GLRA3: variants seen among roughly 807,000 people sequenced by gnomAD.
GLRA3 encodes glycine receptor subunit alpha-3.
Under a neutral mutation model 60.4 loss-of-function variants are expected in GLRA3, and 44 were observed. The ratio of observed to expected loss-of-function variants is 0.73; its 90% confidence interval spans 0.57 to 0.94. The LOEUF (loss-of-function observed/expected upper bound fraction) is 0.94. Ranked by LOEUF, GLRA3 falls within the 40% of genes least tolerant of loss-of-function variation. GLRA3 has a pLI of 0.00. For synonymous variants in GLRA3, 223 were observed against 192.9 expected, an observed-to-expected ratio of 1.16 and a Z score of -1.29; for missense variants, 508 against 564.6, an observed-to-expected ratio of 0.90 and a Z score of 1.02.
chr4:174,767,330 C>T (rs1483244122), intron 2 of GLRA3, among the ~76,000 whole-genome samples: 1 of 152,036 alleles, frequency 6.6e-6, no homozygotes, highest in East Asian at 1.9e-4. Context: ...TTTCTAAGCT[C>T]ATTCAGGGAT....
chr4:174,759,337 G>T (rs957512453), intron 3 of GLRA3, among the ~76,000 whole-genome samples: 8 of 151,688 alleles, frequency 5.3e-5, no homozygotes, highest in Non-Finnish European at 7.4e-5. Context: ...TAACTAAAAG[G>T]TTATAATTTT....
intron 2 of GLRA3, among the ~76,000 whole-genome samples, chr4:174,772,588 T>G (rs957756953): frequency 2.0e-5 from 3 of 152,300 alleles, no homozygotes; most frequent in Admixed American, 6.5e-5. Flanking sequence ...TAGACACATA[T>G]GCATAAATAA....
chr4:174,812,725 G>A (rs536305842), intron 1 of GLRA3, among the ~76,000 whole-genome samples: 2 of 152,180 alleles, frequency 1.3e-5, no homozygotes, highest in African/African-American at 4.8e-5. Flanking sequence ...TTAGCAAGAT[G>A]CCATCACTGA....
chr4:174,780,143 A>G (rs1738805159), intron 2 of GLRA3, among the ~76,000 whole-genome samples: 1 of 149,050 alleles, frequency 6.7e-6, no homozygotes, highest in Non-Finnish European at 1.5e-5. Flanking sequence ...GCCAGAAGAG[A>G]GTGGGGGCCA....
chr4:174,642,028 TCTTTTGG>T lies in GLRA3; in HGVS notation c.*1751_*1757del, dbSNP rs1232192360. 3 of 441,570 alleles carry T rather than the reference TCTTTTGG, an allele frequency of 6.8e-6. No individual in the cohort carries two copies. Among genetic ancestry groups the T allele is most frequent in the Non-Finnish European group, 6.0e-6 (2 of 332,990 alleles). 27.4% of individuals were successfully genotyped at this position (441,570 alleles called of 1,614,324 possible). On this transcript the variant is annotated 3_prime_UTR_variant, in exon 10 of 10. Coordinates refer to ENST00000274093, the MANE Select transcript of GLRA3 (RefSeq NM_006529.4). ...CGTGGGTACTTACAGAGTAACAAAT[TCTTTTGG>T]TTGTGTCATTTGCACATAATGCCAA...
chr4:174,716,645 G>A (rs1266539261), intron 4 of GLRA3, among the ~76,000 whole-genome samples: 1 of 152,134 alleles, frequency 6.6e-6, no homozygotes, highest in African/African-American at 2.4e-5. Context: ...ACCCTAGGCA[G>A]ATTACTTCAA....
intron 9 of GLRA3, among the ~76,000 whole-genome samples, chr4:174,649,301 A>G (rs76457380): frequency 1.8e-3 from 278 of 152,320 alleles, no homozygotes; most frequent in South Asian, 3.7e-3. Flanking sequence ...AGGATCAGCT[A>G]TAGTAGCAGG....
intron 3 of GLRA3, among the ~76,000 whole-genome samples, chr4:174,730,204 G>T (rs1736500513): frequency 6.6e-6 from 1 of 152,168 alleles, no homozygotes; most frequent in Non-Finnish European, 1.5e-5. Flanking sequence ...ATGTGAACAA[G>T]CTTCTACCAG....
chr4:174,819,371 T>C (rs1740642336), intron 1 of GLRA3, among the ~76,000 whole-genome samples: 1 of 152,212 alleles, frequency 6.6e-6, no homozygotes, highest in African/African-American at 2.4e-5. Flanking sequence ...CGTGGATTTA[T>C]TTGAAAAGAA....
chr4:174,642,557 G>A lies in GLRA3; in HGVS notation c.*1229C>T. The A allele has an allele frequency of 1.0e-6, 1 of 976,332 alleles. No individual in the cohort carries two copies. Among genetic ancestry groups the A allele is most frequent in the South Asian group, 4.7e-5 (1 of 21,072 alleles). The allele number at this position is 976,332 out of a possible 1,614,324, so 60.5% of individuals were successfully genotyped here. ...ACACTGCAAAAAACAAGTTACTAAT[G>A]CTCTGTTTTTGTTGAAGTAATCCCA... On this transcript the variant is annotated 3_prime_UTR_variant, in exon 10 of 10. Transcript: ENST00000274093.
Position 174,810,165 on chromosome 4 carries a change from G to T in GLRA3, c.71+18576C>A, listed in dbSNP as rs1163581062. ...GGAACATTATAAACCAGAAATATGA[G>T]AAATTGGTAAATTACATGCTATTTT... On this transcript the variant is annotated intron_variant, in intron 1 of 9. Coordinates refer to ENST00000274093, the MANE Select transcript of GLRA3 (RefSeq NM_006529.4). Among the ~76,000 whole-genome samples the T allele has an allele frequency of 3.3e-5, 5 of 152,228 alleles. No homozygotes were observed. The East Asian group carries it at 9.7e-4, about 29-fold the overall frequency.
At chr4:174,666,774 T>C (rs1733692599) in intron 7 of GLRA3, among the ~76,000 whole-genome samples, 1 of 136,762 alleles carries the variant, frequency 7.3e-6, no homozygotes, top group African/African-American at 2.5e-5. Flanking sequence ...TATATATATA[T>C]ATATATAATT....
chr4:174,799,530 G>A (rs1739723986), intron 1 of GLRA3, among the ~76,000 whole-genome samples: 1 of 152,158 alleles, frequency 6.6e-6, no homozygotes, highest in African/African-American at 2.4e-5. Flanking sequence ...GATTTAGTAA[G>A]ACAAAAATTG....
rs112335996 is a variant in GLRA3, at chr4:174,765,343, C to T, written c.267+1620G>A. The stretch of plus-strand genomic sequence containing the variant: ...AATGGGAAGGAAATCTGCCTATGCC[C>T]TCTCTTTTTTCCAAGTCCCTTCCCT... On this transcript the variant is annotated intron_variant, in intron 3 of 9. Transcript: ENST00000274093. 4.9e-3 allele frequency among the ~76,000 whole-genome samples: 744 copies of T among 152,140 alleles called. 6 individuals carry two copies. The highest frequency in any genetic ancestry group is 0.017 in the African/African-American group (713 of 41,544).
intron 1 of GLRA3, among the ~76,000 whole-genome samples, chr4:174,805,061 C>A (rs554106876): frequency 1.3e-5 from 2 of 152,256 alleles, no homozygotes; most frequent in South Asian, 4.1e-4. Context: ...CCTGTGCAAG[C>A]TTCCAGCTTG....
chr4:174,778,337 C>T, intron 2 of GLRA3, among the ~76,000 whole-genome samples: 1 of 152,054 alleles, frequency 6.6e-6, no homozygotes, highest in South Asian at 2.1e-4. Context: ...TATTTCTTTT[C>T]TTTTCTTTTT....
intron 9 of GLRA3, among the ~76,000 whole-genome samples, chr4:174,647,682 T>C (rs1732878163): frequency 6.6e-6 from 1 of 152,136 alleles, no homozygotes; most frequent in African/African-American, 2.4e-5. Context: ...TTAACTACAT[T>C]TAACAAGTTA....
At chr4:174,724,943 T>C (rs971184343) in intron 4 of GLRA3, among the ~76,000 whole-genome samples, 1 of 152,234 alleles carries the variant, frequency 6.6e-6, no homozygotes, top group African/African-American at 2.4e-5. Context: ...TCAGGATTTG[T>C]ATTTAGTTTT....
intron 5 of GLRA3, among the ~76,000 whole-genome samples, chr4:174,693,357 G>T (rs1399390642): frequency 6.6e-6 from 1 of 152,154 alleles, no homozygotes; most frequent in African/African-American, 2.4e-5. Flanking sequence ...AAGGGGTCCA[G>T]CTTCAATCTT....
Sources: allele counts gnomAD v4.1 joint callset (sites outside exome capture counted in the v4.1 genomes callset), GRCh38; gene constraint gnomAD v4.1.1; transcripts MANE v1.5; gene names NCBI Gene and HGNC (gene_info 2026-07-23, HGNC 2026-07-21).